SMTN: variants seen among roughly 807,000 people sequenced by gnomAD.
SMTN encodes smoothelin.
A neutral mutation model predicts 102.0 loss-of-function variants in SMTN; 58 were observed. The observed-to-expected ratio is 0.57, with a 90% CI of 0.46 to 0.71. The LOEUF is 0.71. Ranked by LOEUF, SMTN falls within the 30% of genes least tolerant of loss-of-function variation. SMTN has a pLI of 0.00. For synonymous variants in SMTN, 478 were observed against 497.9 expected (o/e 0.96, Z 0.53); for missense variants, 1,185 against 1,241.7 (o/e 0.95, Z 0.69).
Position 31,088,620 on chromosome 22 carries a change from T to G in SMTN, c.294+14T>G. The G allele has an allele frequency of 6.2e-7, 1 of 1,613,220 alleles. No individual in the cohort carries two copies. The highest frequency in any genetic ancestry group is 8.5e-7 in the Non-Finnish European group (1 of 1,179,274). On this transcript the variant is annotated intron_variant, in intron 4 of 20. Transcript: ENST00000333137. ...TTGACTGCACTGGTGAGGCCCAGGC[T>G]GGGGCAGGGGATGGGGGCAGGGCAG... is the stretch of plus-strand genomic sequence containing the variant.
chr22:31,083,407 G>A (rs1258482605), intron 2 of SMTN, 98 bp downstream of exon 2: 4 of 1,386,912 alleles, frequency 2.9e-6, no homozygotes, highest in Non-Finnish European at 3.8e-6. Context: ...GAAGTGATGG[G>A]GGAAAGGTCA....
upstream of SMTN, among the ~76,000 whole-genome samples, chr22:31,078,259 AC>A (rs1398002755): frequency 6.6e-6 from 1 of 152,122 alleles, no homozygotes; most frequent in Non-Finnish European, 1.5e-5. Context: ...TCTCTGAAGG[AC>A]CCTGACTGGG....
chr22:31,078,813 G>C (rs971177216), upstream of SMTN, among the ~76,000 whole-genome samples: 4 of 152,158 alleles, frequency 2.6e-5, no homozygotes, highest in Admixed American at 2.0e-4. Flanking sequence ...AGGAGTTTGA[G>C]GCCATGGTAA....
In SMTN at chr22:31,091,326, G is replaced by T. The variant is rs1202842951; in HGVS notation, c.1303G>T (p.Ala435Ser). Reference protein sequence around the residue: ...PLENRAGGPVARSEEPGAPLP... With the variant: ...PLENRAGGPVSRSEEPGAPLP... ...TGAAAACAGAGCAGGGGGGCCTGTG[G>T]CACGTTCAGAGGAGCCTGGTGCCCC... Residue 435 changes from alanine (A) to serine (S), a missense_variant, in exon 10 of 21, where the codon GCA becomes TCA. Transcript: ENST00000333137. The T allele has an allele frequency of 1.2e-6, 2 of 1,605,876 alleles. No individual in the cohort carries two copies. The highest frequency in any genetic ancestry group is 1.7e-6 in the Non-Finnish European group (2 of 1,177,852).
chr22:31,088,049 G>A lies in SMTN; in HGVS notation c.136G>A (p.Glu46Lys), dbSNP rs142234684. ...ELQRQELERE[E>K]EALASKRFRA... is the part of the protein sequence containing the mutation. ...GCAGCGGCAGGAGCTGGAGCGCGAG[G>A]AGGAGGCCCTGGCATCCAAGCGTTT... The change falls in exon 3 of 21, where the codon GAG (glutamate) becomes AAG (lysine). Residue 46 changes from glutamate to lysine, a missense_variant. Coordinates refer to ENST00000333137, the MANE Select transcript of SMTN (RefSeq NM_134269.3). 1.2e-6 allele frequency: 2 copies of A among 1,612,258 alleles called. No homozygotes were observed. The highest frequency in any genetic ancestry group is 1.3e-5 in the African/African-American group (1 of 75,042).
Position 31,100,142 on chromosome 22 carries a change from G to C in SMTN, c.2603+246G>C, listed in dbSNP as rs555494577. 3.8e-4 allele frequency among the ~76,000 whole-genome samples: 58 copies of C among 152,106 alleles called. No homozygotes were observed. The South Asian group carries it at 0.011, about 29-fold the overall frequency. ...ACCAGCCCGGGCCAAAGCCCACCAG[G>C]TGGCCCTGTCCATATCCCCTCCATC... On this transcript the variant is annotated intron_variant, in intron 19 of 20. Coordinates refer to ENST00000333137, the MANE Select transcript of SMTN (RefSeq NM_134269.3).
chr22:31,081,580 C>G (rs1950396680), intron 1 of SMTN, 124 bp downstream of exon 1: 2 of 152,274 alleles, frequency 1.3e-5, no homozygotes, highest in African/African-American at 4.8e-5. Flanking sequence ...TACGAGAGGT[C>G]TAAGCCATGG....
At chr22:31,096,563 T>C (rs2043591201) in intron 13 of SMTN, 170 bp from the exon 14 acceptor site, 2 of 592,104 alleles carry the variant, frequency 3.4e-6, no homozygotes, top group African/African-American at 1.9e-5. Context: ...TGTCAAGTTA[T>C]GGCTGTCCCC....
chr22:31,096,739 G>A lies in SMTN; in HGVS notation c.1868G>A (p.Arg623Gln), dbSNP rs746764891. 29 of 1,548,018 alleles carry A rather than the reference G, an allele frequency of 1.9e-5. No homozygotes were observed. Among genetic ancestry groups the A allele is most frequent in the Middle Eastern group, 3.5e-4 (2 of 5,784 alleles). ...TGGGGCATCCCCTGCCCAGACCAGC[G>A]GGACAAGGAGCGGGAACGGCGGCTG... is the stretch of plus-strand genomic sequence containing the variant. Reference protein sequence around the residue: ...RELRQRKRDQRDKERERRLQE... With the variant: ...RELRQRKRDQQDKERERRLQE... Residue 623 changes from arginine (R) to glutamine (Q), a missense_variant, in exon 14 of 21, where the codon CGG becomes CAG. Around this residue, in one of 2 missense-constraint regions of SMTN, gnomAD observed 1,096 missense variants for 1,112.7 expected, o/e 0.98. Transcript: ENST00000333137.
rs867330940 is a variant in SMTN at position 31,099,986 on chromosome 22, C to T, written c.2603+90C>T. 19 of 1,315,964 alleles carry T rather than the reference C, an allele frequency of 1.4e-5. No homozygotes were observed. The Middle Eastern group carries it at 9.4e-4, about 65-fold the overall frequency. 81.5% of individuals were successfully genotyped at this position (1,315,964 alleles called of 1,614,324 possible). On this transcript the variant is annotated intron_variant, in intron 19 of 20. Coordinates refer to ENST00000333137, the MANE Select transcript of SMTN (RefSeq NM_134269.3). ...CCAGTTGCCCTGAGAACCCCTGGAG[C>T]GGGCCAGCCACATTGTCAGTCAGCG...
At chr22:31,085,010 T>G (rs985319003) in intron 2 of SMTN, 48 of 1,492,790 alleles carry the variant, frequency 3.2e-5, no homozygotes, top group Non-Finnish European at 3.8e-5. Flanking sequence ...TCTGGCCGAT[T>G]TGGGGACGCG....
At chr22:31,096,946 C>T in intron 14 of SMTN, 49 bp downstream of exon 14, 3 of 1,613,054 alleles carry the variant, frequency 1.9e-6, no homozygotes, top group South Asian at 2.2e-5. Flanking sequence ...GGAACACATC[C>T]TCCCCCAGCC....
In SMTN at chr22:31,091,205, C is replaced by A. The variant is rs1312930596; in HGVS notation, c.1182C>A (p.Ser394Arg). ...CCAGTGATACCTCCTCCCGGTTCAG[C>A]AAGGAGCAACGAGGAGTAGCCCAGC... is the stretch of plus-strand genomic sequence containing the variant. ...RGPSDTSSRF[S>R]KEQRGVAQPL... The change falls in exon 10 of 21, where the codon AGC becomes AGA. Residue 394 changes from serine (S) to arginine (R), a missense_variant. Physicochemically the swap from Ser to Arg is moderately radical, Grantham distance 110. Coordinates refer to ENST00000333137, the MANE Select transcript of SMTN (RefSeq NM_134269.3). 1 of 1,612,642 alleles carries A rather than the reference C, an allele frequency of 6.2e-7. No homozygotes were observed. The highest frequency in any genetic ancestry group is 1.3e-5 in the African/African-American group (1 of 75,014).
intron 2 of SMTN, among the ~76,000 whole-genome samples, chr22:31,083,763 C>G (rs1001350680): frequency 1.3e-5 from 2 of 152,214 alleles, no homozygotes; most frequent in Non-Finnish European, 2.9e-5. Flanking sequence ...GCTCTGAAAG[C>G]CTGGGCACTG....
intron 2 of SMTN, among the ~76,000 whole-genome samples, chr22:31,085,655 C>T (rs1191084932): frequency 6.6e-6 from 1 of 152,236 alleles, no homozygotes; most frequent in Admixed American, 6.5e-5. Flanking sequence ...ACTTCCTTCC[C>T]TCCCTCCCAC....
At position 31,095,547 on chromosome 22, in the gene SMTN, C is replaced by T. The variant is rs141724361; in HGVS notation, c.1799C>T (p.Thr600Met). 8.1e-6 allele frequency: 13 copies of T among 1,614,036 alleles called. No homozygotes were observed. Among genetic ancestry groups the T allele is most frequent in the Middle Eastern group, 1.6e-4 (1 of 6,082 alleles). Residue 600 changes from threonine (T) to methionine (M), a missense_variant, in exon 13 of 21, where the codon ACG (threonine) becomes ATG (methionine). Coordinates refer to ENST00000333137, the MANE Select transcript of SMTN (RefSeq NM_134269.3). This position sits in a 1 kb window ranked among gnomAD's most constrained non-coding sequence, Gnocchi z 4.1. ...CTCTATATGCAGCTGGATCAGAGCA[C>T]GGACTTTGAAGAGCGGAAGCTCATC... ...GVLDKMLDQSTDFEERKLIRA... is the reference protein window; with the variant it reads ...GVLDKMLDQSMDFEERKLIRA...
intron 15 of SMTN, 87 bp from the exon 16 acceptor site, chr22:31,097,182 T>C: frequency 6.7e-7 from 1 of 1,493,978 alleles, no homozygotes; most frequent in South Asian, 1.1e-5. Flanking sequence ...TGCCTGCGGC[T>C]ATCACCACCC....
chr22:31,082,993 C>T, intron 1 of SMTN, 186 bp from the exon 2 acceptor site: 1 of 1,436,786 alleles, frequency 7.0e-7, no homozygotes, highest in Non-Finnish European at 9.6e-7. Flanking sequence ...GACCCCCTAC[C>T]CTGGGTTTGG....
chr22:31,077,151 T>TA (rs759858112), upstream of SMTN, among the ~76,000 whole-genome samples: 15 of 152,214 alleles, frequency 9.9e-5, no homozygotes, highest in Admixed American at 2.0e-4. Context: ...CTCACGCCTG[T>TA]AATCCTAGCA....
Sources: gnomAD v4.1 joint callset for allele counts (sites outside exome capture counted in the v4.1 genomes callset) on GRCh38, gnomAD v4.1.1 for gene constraint, gnomAD v4.1.1 regional missense constraint, Gnocchi (gnomAD v3.1) non-coding constraint, MANE v1.5 for transcripts, NCBI Gene and HGNC (gene_info 2026-07-23, HGNC 2026-07-21) for gene names.